Variants in GLB1 observed in about 807,000 individuals in gnomAD.
The protein encoded by GLB1 is galactosidase beta 1.
A neutral mutation model predicts 74.0 loss-of-function variants in GLB1; 56 were observed. That is an observed-to-expected ratio of 0.76 (90% CI 0.61 to 0.94). GLB1 has a LOEUF of 0.94. Among genes scored for constraint, GLB1 ranks in the 40% least tolerant of loss-of-function variants. The pLI is 0.00. For missense variants in GLB1, 787 were observed against 845.5 expected, an observed-to-expected ratio of 0.93 and a Z score of 0.86; for synonymous variants, 323 against 323.6, an observed-to-expected ratio of 1.00 and a Z score of 0.02.
chr3:33,019,430 T>G (rs1697378154), intron 12 of GLB1, among the ~76,000 whole-genome samples: 1 of 152,116 alleles, frequency 6.6e-6, no homozygotes, highest in Non-Finnish European at 1.5e-5. Context: ...GGGACATAAA[T>G]CCAGTTATGG....
At chr3:33,092,507 C>A (rs557819483) in intron 1 of GLB1, 2 of 1,092,914 alleles carry the variant, frequency 1.8e-6, no homozygotes, top group African/African-American at 3.2e-5. Flanking sequence ...TTCTAGCAAC[C>A]CCGAGGGGAG....
At chr3:32,974,309 T>G in the GLB1 span, among the ~76,000 whole-genome samples, 5 of 152,038 alleles carry the variant, frequency 3.3e-5, no homozygotes, top group South Asian at 8.3e-4. Flanking sequence ...AGATGCTTCC[T>G]GGAGAGGGGG....
chr3:33,021,574 C>T lies in GLB1; in HGVS notation c.1225G>A (p.Val409Met). The T allele has an allele frequency of 6.2e-7, 1 of 1,613,852 alleles. No individual in the cohort carries two copies. Among genetic ancestry groups the T allele is most frequent in the Non-Finnish European group, 8.5e-7 (1 of 1,179,926 alleles). Residue 409 changes from valine to methionine, a missense_variant, in exon 12 of 16, where the codon GTG becomes ATG. Physicochemically the swap from Val to Met is conservative, Grantham distance 21. Transcript: ENST00000307363. ...TACCTTTGAAGGCCTACCTGTTTCA[C>T]CTGGATAAATGTCAAGGGATAAAGG... ...KSLYPLTFIQVKQHYGFVLYR... is the reference protein window; with the variant it reads ...KSLYPLTFIQMKQHYGFVLYR...
chr3:33,093,706 G>T lies in GLB1; in HGVS notation c.75+3305C>A. ...ACTCCCACTGCCAGGGCAGGCCTGA[G>T]CACGAGCTTCCTTGTCTTCTCAAGG... On this transcript the variant is annotated intron_variant, in intron 1 of 15. Coordinates refer to ENST00000307363, the MANE Select transcript of GLB1 (RefSeq NM_000404.4). This position sits in a 1 kb window ranked among gnomAD's most constrained non-coding sequence, Gnocchi z 6.0. The T allele has an allele frequency of 6.2e-7, 1 of 1,614,174 alleles. No individual in the cohort carries two copies. The highest frequency in any genetic ancestry group is 8.5e-7 in the Non-Finnish European group (1 of 1,180,004).
intron 10 of GLB1, among the ~76,000 whole-genome samples, chr3:33,027,327 G>A (rs914705616): frequency 6.6e-6 from 1 of 152,372 alleles, no homozygotes; most frequent in South Asian, 2.1e-4. Context: ...TCAACCCCAC[G>A]CTTGCTCACA....
At chr3:32,974,653 T>C in the GLB1 span, among the ~76,000 whole-genome samples, 2 of 152,140 alleles carry the variant, frequency 1.3e-5, no homozygotes, top group Admixed American at 1.3e-4. Flanking sequence ...GTAGAGCCTA[T>C]GGTGTAAGTC....
chr3:32,974,911 A>G, the GLB1 span, among the ~76,000 whole-genome samples: 1 of 152,228 alleles, frequency 6.6e-6, no homozygotes, highest in Non-Finnish European at 1.5e-5. Context: ...AGATACACCC[A>G]GAATGCTGTA....
intron 15 of GLB1, among the ~76,000 whole-genome samples, chr3:33,004,900 T>G (rs1217088651): frequency 2.0e-5 from 3 of 151,972 alleles, no homozygotes; most frequent in Non-Finnish European, 4.4e-5. Flanking sequence ...AGAGCTGAGC[T>G]GGAAAAGGAA....
chr3:33,047,889 C>T (rs1330388877), intron 9 of GLB1, among the ~76,000 whole-genome samples: 1 of 152,172 alleles, frequency 6.6e-6, no homozygotes, highest in Middle Eastern at 3.2e-3. Context: ...CAACTCACAG[C>T]CAACAGGTCT....
the GLB1 span, among the ~76,000 whole-genome samples, chr3:32,981,036 A>G: frequency 6.9e-6 from 1 of 145,882 alleles, no homozygotes; most frequent in African/African-American, 2.5e-5. Context: ...GGTTGCAGTA[A>G]GCTGAGATCG....
the GLB1 span, among the ~76,000 whole-genome samples, chr3:32,969,063 C>G: frequency 6.6e-6 from 1 of 152,320 alleles, no homozygotes; most frequent in South Asian, 2.1e-4. Context: ...ATAGAGTGTT[C>G]TCAAGCCGGA....
the GLB1 span, among the ~76,000 whole-genome samples, chr3:32,971,397 A>C: frequency 5.3e-5 from 8 of 152,362 alleles, no homozygotes; most frequent in Admixed American, 5.2e-4. Flanking sequence ...TTAATCAGCC[A>C]GTGCCCGAGC....
At chr3:33,026,219 G>C (rs945234338) in intron 10 of GLB1, among the ~76,000 whole-genome samples, 1 of 152,218 alleles carries the variant, frequency 6.6e-6, no homozygotes, top group Non-Finnish European at 1.5e-5. Flanking sequence ...TGCTCCCGCT[G>C]CCTAGCCTCT....
intron 1 of GLB1, among the ~76,000 whole-genome samples, chr3:33,096,167 T>C (rs1701017687): frequency 6.6e-6 from 1 of 152,132 alleles, no homozygotes; most frequent in Non-Finnish European, 1.5e-5. Flanking sequence ...CCAAAGTTGG[T>C]CCGCGGAACG....
the GLB1 span, among the ~76,000 whole-genome samples, chr3:32,985,798 C>T: frequency 6.6e-5 from 10 of 152,174 alleles, no homozygotes; most frequent in East Asian, 3.9e-4. Flanking sequence ...CTCCACCTCC[C>T]GGCTTCAAGC....
chr3:33,065,163 C>T (rs555810030), intron 5 of GLB1, among the ~76,000 whole-genome samples: 1 of 152,328 alleles, frequency 6.6e-6, no homozygotes, highest in South Asian at 2.1e-4. Flanking sequence ...CTGCCACCTG[C>T]TGGCTGGGTG....
intron 10 of GLB1, among the ~76,000 whole-genome samples, chr3:33,036,658 T>C (rs944223716): frequency 6.6e-6 from 1 of 152,166 alleles, no homozygotes; most frequent in Non-Finnish European, 1.5e-5. Context: ...GAATAGGTAA[T>C]TAAAATATCA....
Position 33,021,530 on chromosome 3 carries a change from T to C in GLB1, c.1233+36A>G, listed in dbSNP as rs192752523. ...AGTGCAGAAAGCACACTTTTGCAAG[T>C]AGAAAAAAGGCGAGGCATTACCTTT... is the stretch of plus-strand genomic sequence containing the variant. On this transcript the variant is annotated intron_variant, in intron 12 of 15. Coordinates refer to ENST00000307363, the MANE Select transcript of GLB1 (RefSeq NM_000404.4). The C allele has an allele frequency of 3.3e-3, 5,260 of 1,604,500 alleles. 18 individuals carry two copies. Among genetic ancestry groups the C allele is most frequent in the Admixed American group, 0.017 (1,017 of 58,780 alleles).
intron 15 of GLB1, among the ~76,000 whole-genome samples, chr3:33,003,611 G>C (rs893523953): frequency 6.6e-6 from 1 of 152,184 alleles, no homozygotes; most frequent in Non-Finnish European, 1.5e-5. Flanking sequence ...AAGCATAACT[G>C]CAAATTAGAC....
Sources: allele counts gnomAD v4.1 joint callset (sites outside exome capture counted in the v4.1 genomes callset), GRCh38; gene constraint gnomAD v4.1.1; non-coding constraint Gnocchi (gnomAD v3.1); transcripts MANE v1.5; gene names NCBI Gene and HGNC (gene_info 2026-07-23, HGNC 2026-07-21).